LRBA: variants seen among roughly 807,000 people sequenced by gnomAD.
The protein encoded by LRBA is lipopolysaccharide-responsive and beige-like anchor protein.
In LRBA, 176 loss-of-function variants were observed where a neutral mutation model predicts 330.0. The ratio of observed to expected loss-of-function variants is 0.53; its 90% CI spans 0.47 to 0.60. LRBA has a LOEUF of 0.60. Among genes scored for constraint, LRBA ranks in the 20% least tolerant of loss-of-function variants. The pLI is 0.00. For synonymous variants in LRBA, 1,230 were observed against 1,193.0 expected (o/e 1.03, Z -0.64); for missense variants, 3,259 against 3,444.8 (o/e 0.95, Z 1.35).
chr4:150,492,160 G>C (rs1759035087), intron 40 of LRBA, among the ~76,000 whole-genome samples: 1 of 129,984 alleles, frequency 7.7e-6, no homozygotes, highest in Admixed American at 8.6e-5. Context: ...CTCCAGTGCA[G>C]AATGTAGTTT....
At chr4:150,331,509 T>C (rs1733998018) in intron 48 of LRBA, among the ~76,000 whole-genome samples, 2 of 152,194 alleles carry the variant, frequency 1.3e-5, no homozygotes, top group African/African-American at 4.8e-5. Context: ...CCTTCAATAA[T>C]TATTAAGACA....
At chr4:150,293,084 A>T (rs2126807998) in intron 53 of LRBA, among the ~76,000 whole-genome samples, 1 of 152,298 alleles carries the variant, frequency 6.6e-6, no homozygotes, top group South Asian at 2.1e-4. Context: ...CTTATTAGGC[A>T]TATAGATTAT....
At chr4:150,811,800 C>G (rs1743780281) in intron 31 of LRBA, among the ~76,000 whole-genome samples, 1 of 152,154 alleles carries the variant, frequency 6.6e-6, no homozygotes, top group Non-Finnish European at 1.5e-5. Flanking sequence ...TCACCACACC[C>G]TGCCCACTGT....
intron 53 of LRBA, among the ~76,000 whole-genome samples, chr4:150,298,718 G>A (rs1351163306): frequency 6.6e-6 from 1 of 151,872 alleles, no homozygotes; most frequent in Non-Finnish European, 1.5e-5. Context: ...AAAGGAGAAA[G>A]CTGACATAGA....
At chr4:150,391,477 T>C (rs1403060469) in intron 47 of LRBA, among the ~76,000 whole-genome samples, 5 of 152,164 alleles carry the variant, frequency 3.3e-5, no homozygotes, top group Non-Finnish European at 7.3e-5. Context: ...ATGGAAGCCC[T>C]AAAAGATCAA....
chr4:150,962,890 G>C (rs1738308574), intron 2 of LRBA, among the ~76,000 whole-genome samples: 1 of 147,302 alleles, frequency 6.8e-6, no homozygotes, highest in Non-Finnish European at 1.5e-5. Flanking sequence ...GGAAGCAGAG[G>C]TTGCAGTGAG....
chr4:150,721,167 T>A (rs1728877792), intron 36 of LRBA: 1 of 574,684 alleles, frequency 1.7e-6, no homozygotes, highest in Admixed American at 2.1e-5. Context: ...CATATTTGGT[T>A]ACATGATAGA....
intron 40 of LRBA, among the ~76,000 whole-genome samples, chr4:150,533,238 T>G (rs1453387213): frequency 1.3e-5 from 2 of 152,154 alleles, no homozygotes; most frequent in East Asian, 3.9e-4. Flanking sequence ...TGCAGGGCAG[T>G]GGCAAGATCA....
In LRBA at chr4:150,265,540, G is replaced by C; in HGVS notation, c.*182C>G. On this transcript the variant is annotated 3_prime_UTR_variant, in exon 57 of 57. Coordinates refer to ENST00000651943, the MANE Select transcript of LRBA (RefSeq NM_001364905.1). ...TACAGAACCCAGCAGCCAGTTTTCT[G>C]CTTTGCTAATCCCCCCCAAAAAAGT... 1.9e-6 allele frequency: 1 copy of C among 521,468 alleles called. No individual in the cohort carries two copies. Among genetic ancestry groups the C allele is most frequent in the Non-Finnish European group, 3.5e-6 (1 of 286,528 alleles). 32.3% of individuals were successfully genotyped at this position (521,468 alleles called of 1,614,324 possible). A position where few individuals can be genotyped will look rare whatever the true frequency, so the allele number is the denominator to read the frequency against.
At chr4:150,428,970 A>C (rs1355482056) in intron 46 of LRBA, among the ~76,000 whole-genome samples, 1 of 152,118 alleles carries the variant, frequency 6.6e-6, no homozygotes, top group Non-Finnish European at 1.5e-5. Context: ...ATACATATTT[A>C]ATTTAGTGCC....
At chr4:150,320,031 T>A (rs1303606410) in intron 50 of LRBA, among the ~76,000 whole-genome samples, 2 of 152,056 alleles carry the variant, frequency 1.3e-5, no homozygotes, top group African/African-American at 4.8e-5. Context: ...AAGTCTATAA[T>A]CTCCAGAAGT....
chr4:150,581,362 G>A, intron 40 of LRBA: 1 of 439,046 alleles, frequency 2.3e-6, no homozygotes, highest in East Asian at 7.4e-5. Flanking sequence ...TACAGCAACT[G>A]CTCTGATTCT....
chr4:150,871,693 C>T (rs1375258693), intron 18 of LRBA, among the ~76,000 whole-genome samples: 4 of 151,804 alleles, frequency 2.6e-5, no homozygotes, highest in South Asian at 2.1e-4. Flanking sequence ...ACAAGTGTGC[C>T]TATGCTACAG....
chr4:150,517,445 T>C (rs1389195951), intron 40 of LRBA, among the ~76,000 whole-genome samples: 1 of 151,922 alleles, frequency 6.6e-6, no homozygotes, highest in East Asian at 1.9e-4. Context: ...CAACTGAGCC[T>C]GGGAAGTCGA....
chr4:150,863,593 C>T (rs868569249), intron 22 of LRBA, among the ~76,000 whole-genome samples: 9 of 152,048 alleles, frequency 5.9e-5, no homozygotes, highest in Admixed American at 4.6e-4. Flanking sequence ...GCCTGGGAGG[C>T]GGAGTTTACA....
chr4:150,488,527 A>G (rs1758166344), intron 41 of LRBA, among the ~76,000 whole-genome samples: 1 of 151,598 alleles, frequency 6.6e-6, no homozygotes, highest in Non-Finnish European at 1.5e-5. Context: ...GTACATGTCA[A>G]TATGTAAACA....
At chr4:150,617,177 C>G (rs1312915665) in intron 37 of LRBA, among the ~76,000 whole-genome samples, 1 of 152,150 alleles carries the variant, frequency 6.6e-6, no homozygotes, top group East Asian at 1.9e-4. Context: ...ATAGCTCTAA[C>G]AAGCAGCAAT....
chr4:150,976,938 G>A (rs1191164419), intron 2 of LRBA, among the ~76,000 whole-genome samples: 1 of 152,212 alleles, frequency 6.6e-6, no homozygotes, highest in African/African-American at 2.4e-5. Context: ...CTAGCCAGAA[G>A]AGAACTGCAC....
chr4:150,267,654 TAAAG>T (rs879754387), intron 56 of LRBA, among the ~76,000 whole-genome samples: 1 of 151,934 alleles, frequency 6.6e-6, no homozygotes, highest in Non-Finnish European at 1.5e-5. Context: ...AAGAAAATAA[TAAAG>T]AACAGAGTAG....
Sources: gnomAD v4.1 joint callset for allele counts (sites outside exome capture counted in the v4.1 genomes callset) on GRCh38, gnomAD v4.1.1 for gene constraint, MANE v1.5 for transcripts, NCBI Gene and HGNC (gene_info 2026-07-23, HGNC 2026-07-21) for gene names.